The following BCAP29 variants were observed in gnomAD, a reference collection of about 807,000 sequenced individuals.
The protein encoded by BCAP29 is B-cell receptor-associated protein 29.
In BCAP29, 34 loss-of-function variants were observed where a neutral mutation model predicts 31.8. The observed-to-expected ratio is 1.07, with a 90% CI of 0.81 to 1.42. BCAP29 has a LOEUF of 1.42. Among genes scored for constraint, BCAP29 ranks in the 40% most tolerant of loss-of-function variants. The probability of loss-of-function intolerance (pLI) is 0.00; values close to 1 mark genes in which losing one functional copy is unlikely to be tolerated. For missense variants in BCAP29, 314 were observed against 269.2 expected (o/e 1.17, Z -1.16); for synonymous variants, 104 against 91.3 (o/e 1.14, Z -0.79).
At position 107,595,975 on chromosome 7, in the gene BCAP29, T is replaced by C. The variant is rs755782223; in HGVS notation, c.453T>C (p.Phe151=). The change falls in exon 5 of 8, where the codon TTT becomes TTC. Residue 151 remains phenylalanine, a synonymous_variant. Coordinates refer to ENST00000005259, the MANE Select transcript of BCAP29 (RefSeq NM_018844.4). ...ATACTAACAAGGCTGCCAAAAAATT[T>C]ATGGAAGAAAACGAAAAACTAAAAA... is the stretch of plus-strand genomic sequence containing the variant. ...AENTNKAAKK[F]MEENEKLKRI... 20 of 1,578,788 alleles carry C rather than the reference T, an allele frequency of 1.3e-5. No individual in the cohort carries two copies. Among genetic ancestry groups the C allele is most frequent in the South Asian group, 9.5e-5 (8 of 84,102 alleles).
intron 3 of BCAP29, among the ~76,000 whole-genome samples, chr7:107,590,512 A>G (rs1432892052): frequency 6.6e-6 from 1 of 152,182 alleles, no homozygotes; most frequent in Non-Finnish European, 1.5e-5. Flanking sequence ...TGCAGATGAC[A>G]CGATTATTTA....
At chr7:107,611,412 T>A (rs1390603300) in intron 6 of BCAP29, among the ~76,000 whole-genome samples, 1 of 151,964 alleles carries the variant, frequency 6.6e-6, no homozygotes, top group Non-Finnish European at 1.5e-5. Flanking sequence ...ACAAAAAATT[T>A]AAAAATTGGC....
At chr7:107,605,217 A>T (rs1365434643) in intron 6 of BCAP29, among the ~76,000 whole-genome samples, 1 of 152,218 alleles carries the variant, frequency 6.6e-6, no homozygotes, top group Non-Finnish European at 1.5e-5. Context: ...TAGGGAAGAT[A>T]TTAAGACAGA....
At chr7:107,601,650 T>C (rs926890904) in intron 6 of BCAP29, among the ~76,000 whole-genome samples, 3 of 152,230 alleles carry the variant, frequency 2.0e-5, no homozygotes, top group Admixed American at 6.5e-5. Context: ...TGTTATTGTT[T>C]ATATGAAAAT....
At chr7:107,610,426 A>G (rs992662291) in intron 6 of BCAP29, among the ~76,000 whole-genome samples, 2 of 152,342 alleles carry the variant, frequency 1.3e-5, no homozygotes, top group South Asian at 2.1e-4. Flanking sequence ...TAAAATAAGC[A>G]TATTCACATG....
intron 3 of BCAP29, 110 bp downstream of exon 3, chr7:107,584,092 A>G (rs1259065961): frequency 1.8e-6 from 1 of 554,270 alleles, no homozygotes; most frequent in East Asian, 3.2e-5. Context: ...TATATAGTAT[A>G]TTGATAGTAC....
At chr7:107,604,704 G>A (rs575992995) in intron 6 of BCAP29, among the ~76,000 whole-genome samples, 97 of 136,594 alleles carry the variant, frequency 7.1e-4, no homozygotes, top group Non-Finnish European at 9.2e-4. Flanking sequence ...TTTTTGCTTT[G>A]TTGCCTTTTA....
intron 6 of BCAP29, among the ~76,000 whole-genome samples, chr7:107,611,032 G>A (rs1813025561): frequency 6.6e-6 from 1 of 152,024 alleles, no homozygotes; most frequent in Admixed American, 6.6e-5. Context: ...CTCTGATGAG[G>A]GCCTGTTTCG....
chr7:107,591,564 C>T (rs1808769354), intron 3 of BCAP29, among the ~76,000 whole-genome samples: 1 of 150,428 alleles, frequency 6.6e-6, no homozygotes, highest in Admixed American at 6.6e-5. Flanking sequence ...GAGCCAGTTC[C>T]TTAAAATAAA....
chr7:107,607,716 A>C (rs1648152061), intron 6 of BCAP29, among the ~76,000 whole-genome samples: 1 of 147,646 alleles, frequency 6.8e-6, no homozygotes, highest in African/African-American at 2.5e-5. Context: ...GGCTCACTGC[A>C]ACCTCCGCCC....
At chr7:107,616,729 C>T (rs1185643390) in intron 7 of BCAP29, among the ~76,000 whole-genome samples, 2 of 151,892 alleles carry the variant, frequency 1.3e-5, no homozygotes, top group Non-Finnish European at 2.9e-5. Flanking sequence ...TCATTAAGAG[C>T]CCCATTTTGT....
chr7:107,582,289 G>A (rs539791644), intron 2 of BCAP29, among the ~76,000 whole-genome samples: 104 of 152,188 alleles, frequency 6.8e-4, no homozygotes, highest in African/African-American at 2.2e-3. Context: ...TGATCAAGTA[G>A]CTATTAGATA....
intron 7 of BCAP29, 112 bp downstream of exon 7, chr7:107,613,544 CT>C (rs1813605230): frequency 3.0e-6 from 4 of 1,323,610 alleles, no homozygotes; most frequent in Non-Finnish European, 3.2e-6. Context: ...TTAATCCTGG[CT>C]TTGTTAAACG....
chr7:107,595,941 A>G lies in BCAP29; in HGVS notation c.419A>G (p.Gln140Arg). The G allele has an allele frequency of 6.3e-7, 1 of 1,599,486 alleles. No homozygotes were observed. The highest frequency in any genetic ancestry group is 8.5e-7 in the Non-Finnish European group (1 of 1,175,378). ...ELSNKGVLKTQAENTNKAAKK... is the reference protein window; with the variant it reads ...ELSNKGVLKTRAENTNKAAKK... ...TCAAACAAAGGTGTACTTAAAACTC[A>G]AGCAGAAAATACTAACAAGGCTGCC... Residue 140 changes from glutamine to arginine, a missense_variant, in exon 5 of 8, where the codon CAA becomes CGA. Transcript: ENST00000005259.
At chr7:107,605,848 CA>C (rs1811993006) in intron 6 of BCAP29, among the ~76,000 whole-genome samples, 1 of 152,028 alleles carries the variant, frequency 6.6e-6, no homozygotes, top group African/African-American at 2.4e-5. Context: ...AAGTGAGTTA[CA>C]AAAATTAAAC....
intron 6 of BCAP29, among the ~76,000 whole-genome samples, chr7:107,600,721 G>T (rs1419114001): frequency 9.2e-5 from 14 of 152,218 alleles, no homozygotes; most frequent in Admixed American, 9.2e-4. Context: ...AGGTGTTTCA[G>T]ATCTGTGTTG....
At position 107,583,886 on chromosome 7, in the gene BCAP29, C is replaced by T; in HGVS notation, c.97C>T (p.Gln33Ter). The T allele has an allele frequency of 6.5e-7, 1 of 1,545,330 alleles. No individual in the cohort carries two copies. Among genetic ancestry groups the T allele is most frequent in the South Asian group, 1.2e-5 (1 of 80,792 alleles). The change falls in exon 3 of 8, where the codon CAG (glutamine) becomes TAG (stop). Residue 33 changes from glutamine (Q) to a stop codon, truncating the protein, a stop_gained. Transcript: ENST00000005259. LOFTEE classifies it high-confidence loss of function. ...CLPFIPPQRW[Q>*]KIFSFNVWGK... is the part of the protein sequence containing the mutation. Reference sequence around the variant, plus strand: ...TATAATTGTATTGCTTTACAGATGGCAGAAGATTTTTTCATTTAATGTCTG... The same window carrying T: ...TATAATTGTATTGCTTTACAGATGGTAGAAGATTTTTTCATTTAATGTCTG...
At chr7:107,597,791 A>T (rs1563132856) in intron 5 of BCAP29, among the ~76,000 whole-genome samples, 1 of 152,204 alleles carries the variant, frequency 6.6e-6, no homozygotes, top group East Asian at 1.9e-4. Context: ...ATCTGATAGA[A>T]CAATTTCCAC....
intron 6 of BCAP29, among the ~76,000 whole-genome samples, chr7:107,612,433 A>ATT (rs1440411229): frequency 0.018 from 742 of 42,020 alleles, 28 homozygotes; most frequent in Admixed American, 0.042. Context: ...ATATATATAT[A>ATT]TATATATTTA....
Sources: gnomAD v4.1 joint callset for allele counts (sites outside exome capture counted in the v4.1 genomes callset) on GRCh38, gnomAD v4.1.1 for gene constraint, MANE v1.5 for transcripts, NCBI Gene and HGNC (gene_info 2026-07-23, HGNC 2026-07-21) for gene names.